The following TPD52 variants were observed in gnomAD, a reference collection of about 807,000 sequenced individuals.
The protein encoded by TPD52 is prostate and colon associated protein.
Under a neutral mutation model 31.3 loss-of-function variants are expected in TPD52, and 17 were observed. The ratio of observed to expected loss-of-function variants is 0.54; its 90% CI spans 0.37 to 0.82. The LOEUF (loss-of-function observed/expected upper bound fraction) is 0.82, where lower values mean the gene tolerates loss of function less well. Ranked by LOEUF, TPD52 falls within the 40% of genes least tolerant of loss-of-function variation. TPD52 has a pLI of 0.00. For missense variants in TPD52, 212 were observed against 240.1 expected, an observed-to-expected ratio of 0.88 and a Z score of 0.77; for synonymous variants, 83 against 89.6, an observed-to-expected ratio of 0.93 and a Z score of 0.42.
intron 1 of TPD52, among the ~76,000 whole-genome samples, chr8:80,097,011 G>C (rs566697476): frequency 1.3e-5 from 2 of 152,342 alleles, no homozygotes; most frequent in African/African-American, 4.8e-5. Context: ...TGAATGCAAA[G>C]AAAAAGTTCT....
intron 1 of TPD52, among the ~76,000 whole-genome samples, chr8:80,086,445 G>A (rs1815778680): frequency 6.6e-6 from 1 of 151,758 alleles, no homozygotes; most frequent in African/African-American, 2.4e-5. Context: ...AAAGAGGAGG[G>A]GCTGCATTCT....
At chr8:80,094,430 TTATATATATATATATATATATATATA>T (rs61266725) in intron 1 of TPD52, among the ~76,000 whole-genome samples, 963 of 53,740 alleles carry the variant, frequency 0.018, 40 homozygotes, top group South Asian at 0.048. Flanking sequence ...AAAGAAAATT[TTATATATATATATATATATATATATA>T]TATATATATA....
chr8:80,033,387 C>G (rs1340042613), downstream of TPD52: 1 of 152,584 alleles, frequency 6.6e-6, no homozygotes, highest in Non-Finnish European at 1.5e-5. Context: ...CCCACCACCC[C>G]ACTCCAGCCC....
rs115872008 is a variant in TPD52 at position 80,157,819 on chromosome 8, A to G, written c.19+13606T>C. ...TGTTCTTATTCTCTGCAAGGCTCTT[A>G]CACATTAAAGTGAATTATTGCTTAC... On this transcript the variant is annotated intron_variant, in intron 1 of 7. Transcript: ENST00000518937. Among the ~76,000 whole-genome samples the G allele has an allele frequency of 3.3e-3, 497 of 152,328 alleles. 2 individuals are homozygous for G. Among genetic ancestry groups the G allele is most frequent in the African/African-American group, 0.011 (445 of 41,572 alleles).
intron 1 of TPD52, among the ~76,000 whole-genome samples, chr8:80,149,655 A>G (rs541243517): frequency 2.6e-5 from 4 of 152,328 alleles, no homozygotes; most frequent in Admixed American, 2.6e-4. Context: ...TATGGACAAT[A>G]AAGTCCAGGC....
chr8:80,154,236 A>G (rs577382554), intron 1 of TPD52, among the ~76,000 whole-genome samples: 6 of 152,378 alleles, frequency 3.9e-5, no homozygotes, highest in African/African-American at 1.2e-4. Context: ...AGAGAGACAG[A>G]GAAGCAACGG....
chr8:80,052,684 G>A (rs904236102), intron 3 of TPD52: 9 of 1,288,694 alleles, frequency 7.0e-6, no homozygotes, highest in South Asian at 3.7e-5. Context: ...TCCTTGTGCC[G>A]GGAAACAAAA....
chr8:80,138,670 T>C (rs1483393456), intron 1 of TPD52, among the ~76,000 whole-genome samples: 1 of 152,176 alleles, frequency 6.6e-6, no homozygotes, highest in Non-Finnish European at 1.5e-5. Flanking sequence ...ACTGCTCAGA[T>C]CCAGGCCTGG....
At chr8:80,127,012 G>A (rs1341208686) in intron 1 of TPD52, among the ~76,000 whole-genome samples, 1 of 152,006 alleles carries the variant, frequency 6.6e-6, no homozygotes, top group African/African-American at 2.4e-5. Flanking sequence ...AGAAGGCTGA[G>A]GTGGAAGGAT....
chr8:80,160,889 C>CAAAAAAAAAAAAAA (rs58923055), intron 1 of TPD52, among the ~76,000 whole-genome samples: 10 of 95,020 alleles, frequency 1.1e-4, no homozygotes, highest in Non-Finnish European at 1.4e-4. Context: ...ACTAAAAATA[C>CAAAAAAAAAAAAAA]AAAAAAAAAA....
intron 7 of TPD52, chr8:80,042,392 T>C (rs1309546912): frequency 3.0e-6 from 3 of 985,362 alleles, no homozygotes; most frequent in African/African-American, 1.7e-5. Flanking sequence ...TCTTTGTAAA[T>C]TGTACATTTC....
At position 80,124,644 on chromosome 8, in the gene TPD52, T is replaced by C. The variant is rs144930154; in HGVS notation, c.19+46781A>G. On this transcript the variant is annotated intron_variant, in intron 1 of 7. Coordinates refer to ENST00000518937, the MANE Select transcript of TPD52 (RefSeq NM_001025253.3). ...TGATAGTGTCTTAAATTAGATGATATATGCTAGCTGTATGTTTATATGAAT... is the reference window on the plus strand; with the variant it reads ...TGATAGTGTCTTAAATTAGATGATACATGCTAGCTGTATGTTTATATGAAT... 8.4e-3 allele frequency among the ~76,000 whole-genome samples: 1,276 copies of C among 152,330 alleles called. 21 individuals are homozygous for C. The highest frequency in any genetic ancestry group is 0.029 in the African/African-American group (1,220 of 41,582).
At chr8:80,042,706 T>TACTGAAAAAAAATCCAACTAGTTTG in intron 6 of TPD52, 38 bp from the exon 7 acceptor site, 1 of 1,568,470 alleles carries the variant, frequency 6.4e-7, no homozygotes, top group Non-Finnish European at 8.6e-7. Flanking sequence ...TAAATACAAA[T>TACTGAAAAAAAATCCAACTAGTTTG]ACTGAAAAAA....
chr8:80,148,318 G>GTGTGTGTGTGTC (rs1554594171), intron 1 of TPD52, among the ~76,000 whole-genome samples: 1 of 18,956 alleles, frequency 5.3e-5, no homozygotes, highest in South Asian at 2.0e-3. Context: ...TCCTGGCTAA[G>GTGTGTGTGTGTC]TGTGTGTGTG....
intron 1 of TPD52, among the ~76,000 whole-genome samples, chr8:80,127,823 CACACACACACACACAG>C (rs780822734): frequency 0.14 from 18,202 of 130,820 alleles, 1,406 homozygotes; most frequent in Middle Eastern, 0.23. Flanking sequence ...CACACACACA[CACACACACACACACAG>C]AGATACATAA....
intron 4 of TPD52, 63 bp from the exon 5 acceptor site, chr8:80,050,534 A>G: frequency 2.7e-6 from 4 of 1,502,208 alleles, no homozygotes; most frequent in South Asian, 1.2e-5. Flanking sequence ...AAACAATTAA[A>G]TAACCTAAGT....
chr8:80,125,445 C>G (rs955946677), intron 1 of TPD52, among the ~76,000 whole-genome samples: 4 of 152,098 alleles, frequency 2.6e-5, no homozygotes, highest in Non-Finnish European at 5.9e-5. Flanking sequence ...AACAAACATG[C>G]AAGCCTTGCA....
chr8:80,151,892 T>C (rs1586402614), intron 1 of TPD52, among the ~76,000 whole-genome samples: 2 of 152,242 alleles, frequency 1.3e-5, no homozygotes, highest in African/African-American at 2.4e-5. Context: ...CAAGGTCATT[T>C]AGTAATACAT....
intron 1 of TPD52, among the ~76,000 whole-genome samples, chr8:80,161,008 G>A (rs1811324556): frequency 6.6e-6 from 1 of 151,708 alleles, no homozygotes; most frequent in African/African-American, 2.4e-5. Flanking sequence ...GTTGCAGTGA[G>A]CCTCAATCAC....
Sources: allele counts gnomAD v4.1 joint callset (sites outside exome capture counted in the v4.1 genomes callset), GRCh38; gene constraint gnomAD v4.1.1; transcripts MANE v1.5; gene names NCBI Gene and HGNC (gene_info 2026-07-23, HGNC 2026-07-21).